The following SND1 variants were observed in gnomAD, a reference collection of about 807,000 sequenced individuals.
The protein encoded by SND1 is staphylococcal nuclease domain-containing protein 1.
A neutral mutation model predicts 121.7 loss-of-function variants in SND1; 38 were observed. The ratio of observed to expected loss-of-function variants is 0.31; its 90% CI spans 0.24 to 0.41. The LOEUF is 0.41. Among genes scored for constraint, SND1 ranks in the 10% least tolerant of loss-of-function variants. SND1 has a pLI of 1.00. For missense variants in SND1, 868 were observed against 1,184.6 expected, an observed-to-expected ratio of 0.73 and a Z score of 3.92; for synonymous variants, 401 against 447.4, an observed-to-expected ratio of 0.90 and a Z score of 1.31.
At chr7:127,824,321 A>G (rs1170818599) in intron 11 of SND1, among the ~76,000 whole-genome samples, 5 of 152,190 alleles carry the variant, frequency 3.3e-5, no homozygotes, top group Admixed American at 6.5e-5. Context: ...AAGGAAAGGC[A>G]GTTGGTGCTT....
intron 9 of SND1, among the ~76,000 whole-genome samples, chr7:127,717,774 A>T (rs79400615): frequency 0.012 from 1,881 of 152,290 alleles, 10 homozygotes; most frequent in Admixed American, 0.02. Context: ...AAATTTTGGC[A>T]GCATTGGGGC....
chr7:128,043,703 A>T (rs1487562337), intron 16 of SND1, among the ~76,000 whole-genome samples: 1 of 151,608 alleles, frequency 6.6e-6, no homozygotes, highest in African/African-American at 2.4e-5. Flanking sequence ...GTTACCTTGC[A>T]GCTACCAGAT....
chr7:127,976,627 G>A (rs1450648647), intron 15 of SND1, among the ~76,000 whole-genome samples: 1 of 152,238 alleles, frequency 6.6e-6, no homozygotes, highest in Admixed American at 6.5e-5. Flanking sequence ...AGTAAAGGAT[G>A]CAGAAGTCCT....
At chr7:127,993,296 T>C (rs1802562418) in intron 16 of SND1, among the ~76,000 whole-genome samples, 1 of 152,248 alleles carries the variant, frequency 6.6e-6, no homozygotes, top group Non-Finnish European at 1.5e-5. Context: ...ACCTATGTAG[T>C]ACCTCCATTT....
rs137930119 is a variant in SND1, at chr7:127,769,883, C to A, written c.1153-37601C>A. Among the ~76,000 whole-genome samples, 1,019 of 152,240 alleles carry A rather than the reference C, an allele frequency of 6.7e-3. 16 individuals are homozygous for A. Among genetic ancestry groups the A allele is most frequent in the Non-Finnish European group, 7.7e-3 (527 of 68,024 alleles). On this transcript the variant is annotated intron_variant, in intron 10 of 23. Coordinates refer to ENST00000354725, the MANE Select transcript of SND1 (RefSeq NM_014390.4). ...TCCTCTGTTGCTTTTTAACTCTCAG[C>A]GTGTAATGAATTAAATAGTTTTTTA...
Position 127,844,309 on chromosome 7 carries a change from A to AT in SND1, c.1243-13dup. The AT allele has an allele frequency of 1.2e-6, 2 of 1,610,142 alleles. No homozygotes were observed. Among genetic ancestry groups the AT allele is most frequent in the African/African-American group, 1.3e-5 (1 of 74,874 alleles). ...CAGACTCTCAACCCTAATTCCCTTG[A>AT]TTCTTTGTTTCCAGGTCAATGTGAC... On this transcript the variant is annotated splice_polypyrimidine_tract_variant and intron_variant, in intron 11 of 23. Coordinates refer to ENST00000354725, the MANE Select transcript of SND1 (RefSeq NM_014390.4).
At chr7:127,970,240 T>C (rs1222789167) in intron 15 of SND1, among the ~76,000 whole-genome samples, 1 of 152,190 alleles carries the variant, frequency 6.6e-6, no homozygotes, top group East Asian at 1.9e-4. Flanking sequence ...ACCTAAGTAA[T>C]ATAAAGTTCA....
intron 15 of SND1, among the ~76,000 whole-genome samples, chr7:127,968,264 A>G (rs1433891861): frequency 6.6e-6 from 1 of 152,118 alleles, no homozygotes; most frequent in Non-Finnish European, 1.5e-5. Flanking sequence ...GCAAATTGTG[A>G]CCTCCTGTCA....
intron 10 of SND1, among the ~76,000 whole-genome samples, chr7:127,757,898 T>C (rs1797225694): frequency 6.6e-6 from 1 of 152,252 alleles, no homozygotes; most frequent in Admixed American, 6.5e-5. Flanking sequence ...TCTTAATTTC[T>C]TTGTGTTTGA....
At chr7:127,792,088 A>G (rs1237213955) in intron 10 of SND1, among the ~76,000 whole-genome samples, 1 of 152,182 alleles carries the variant, frequency 6.6e-6, no homozygotes, top group Non-Finnish European at 1.5e-5. Context: ...GATTAGACAC[A>G]TACTGTGACT....
At chr7:127,751,612 A>G (rs1357951832) in intron 10 of SND1, among the ~76,000 whole-genome samples, 1 of 152,252 alleles carries the variant, frequency 6.6e-6, no homozygotes, top group African/African-American at 2.4e-5. Context: ...TTACTTCTAG[A>G]GAGACAGGCC....
chr7:127,894,146 A>C (rs757698030), intron 13 of SND1, among the ~76,000 whole-genome samples: 2 of 152,096 alleles, frequency 1.3e-5, no homozygotes, highest in African/African-American at 4.8e-5. Flanking sequence ...TATTAATTGC[A>C]TATCTCTCTT....
chr7:127,995,707 A>T (rs1802631911), intron 16 of SND1, among the ~76,000 whole-genome samples: 1 of 152,102 alleles, frequency 6.6e-6, no homozygotes, highest in Non-Finnish European at 1.5e-5. Context: ...GCCAGCACAT[A>T]CTCACTGACC....
At chr7:127,990,909 A>G in intron 15 of SND1, 38 bp from the exon 16 acceptor site, 8 of 1,492,298 alleles carry the variant, frequency 5.4e-6, no homozygotes, top group South Asian at 1.2e-5. Context: ...CCTAGTGGGC[A>G]CCTTTTCATC....
intron 14 of SND1, among the ~76,000 whole-genome samples, chr7:127,907,437 C>T (rs770414393): frequency 6.6e-6 from 1 of 152,164 alleles, no homozygotes; most frequent in Non-Finnish European, 1.5e-5. Context: ...TGCACATATA[C>T]GTAATGGTTT....
chr7:127,671,067 A>G (rs962723790), intron 1 of SND1, among the ~76,000 whole-genome samples: 1 of 152,204 alleles, frequency 6.6e-6, no homozygotes, highest in Admixed American at 6.5e-5. Context: ...TGATATTCAA[A>G]TTCTTAGAAG....
chr7:128,022,204 C>CAAAAAAAAAAAAAAAAAA (rs58371490), intron 16 of SND1, among the ~76,000 whole-genome samples: 1 of 74,148 alleles, frequency 1.3e-5, no homozygotes, highest in Non-Finnish European at 2.8e-5. Context: ...GACTCTCTCT[C>CAAAAAAAAAAAAAAAAAA]AAAAAAAAAA....
intron 1 of SND1, among the ~76,000 whole-genome samples, chr7:127,660,538 G>A (rs1795290778): frequency 1.3e-5 from 2 of 152,068 alleles, no homozygotes; most frequent in African/African-American, 2.4e-5. Flanking sequence ...TATCTGAAAC[G>A]CTTGGACTAG....
chr7:127,920,628 C>T (rs1363577486), intron 14 of SND1, among the ~76,000 whole-genome samples: 1 of 152,062 alleles, frequency 6.6e-6, no homozygotes, highest in Non-Finnish European at 1.5e-5. Flanking sequence ...AATTATGAGC[C>T]ATACCTTTCA....
Sources: allele counts gnomAD v4.1 joint callset (sites outside exome capture counted in the v4.1 genomes callset), GRCh38; gene constraint gnomAD v4.1.1; transcripts MANE v1.5; gene names NCBI Gene and HGNC (gene_info 2026-07-23, HGNC 2026-07-21).